The following TRERF1 variants were observed in gnomAD, a reference collection of about 807,000 sequenced individuals.
TRERF1 encodes the protein transcriptional-regulating factor 1.
Under a neutral mutation model 122.9 loss-of-function variants are expected in TRERF1, and 27 were observed. That is an observed-to-expected ratio of 0.22 (90% CI 0.16 to 0.30). The LOEUF (loss-of-function observed/expected upper bound fraction) is 0.30, where lower values mean the gene tolerates loss of function less well. Among genes scored for constraint, TRERF1 ranks in the 10% least tolerant of loss-of-function variants. The pLI, the probability that TRERF1 is intolerant of heterozygous loss-of-function variation, is 1.00. For missense variants in TRERF1, 1,248 were observed against 1,560.3 expected (o/e 0.80, Z 3.37); for synonymous variants, 636 against 641.7 (o/e 0.99, Z 0.13).
At chr6:42,383,555 C>T (rs148062654) in intron 2 of TRERF1, among the ~76,000 whole-genome samples, 6 of 152,246 alleles carry the variant, frequency 3.9e-5, no homozygotes, top group African/African-American at 7.2e-5. Flanking sequence ...CCCGCTCCGA[C>T]GAGCATTGTA....
chr6:42,328,323 A>T (rs549703103), intron 3 of TRERF1, among the ~76,000 whole-genome samples: 2 of 151,960 alleles, frequency 1.3e-5, no homozygotes, highest in African/African-American at 2.4e-5. Flanking sequence ...ATCCCTAATT[A>T]AAAAACAAAC....
At chr6:42,256,465 G>C (rs1213771710) in intron 12 of TRERF1, among the ~76,000 whole-genome samples, 4 of 152,138 alleles carry the variant, frequency 2.6e-5, no homozygotes, top group Non-Finnish European at 5.9e-5. Flanking sequence ...ATGTGGAAAA[G>C]AAATTCTAAT....
In TRERF1 at chr6:42,263,500, C is replaced by CGGCGGA. The variant is rs377404285; in HGVS notation, c.1698_1703dup (p.Pro569_Pro570dup). Reference sequence around the variant, plus strand: ...CTGCCTCGGGAGGGAGCTGTGGTGGCGGCGGAGGCGGAGGCGGAGGCGGCA... The same window carrying CGGCGGA: ...CTGCCTCGGGAGGGAGCTGTGGTGGCGGCGGAGGCGGAGGCGGAGGCGGAGGCGGCA... On this transcript the variant is annotated inframe_insertion, in exon 8 of 18. Coordinates refer to ENST00000372922, the Ensembl canonical transcript of TRERF1. This position sits in a 1 kb window ranked among gnomAD's most constrained non-coding sequence, Gnocchi z 5.6. 1.9e-4 allele frequency: 299 copies of CGGCGGA among 1,573,732 alleles called. No individual in the cohort carries two copies. Among genetic ancestry groups the CGGCGGA allele is most frequent in the African/African-American group, 1.1e-3 (80 of 74,016 alleles).
At chr6:42,437,195 G>A (rs1027877711) in intron 2 of TRERF1, among the ~76,000 whole-genome samples, 2 of 152,114 alleles carry the variant, frequency 1.3e-5, no homozygotes, top group African/African-American at 4.8e-5. Context: ...CTCCAGCTCT[G>A]GTTGGAGGTC....
chr6:42,431,070 AAAAAG>A (rs1288505865), intron 2 of TRERF1, among the ~76,000 whole-genome samples: 15 of 151,984 alleles, frequency 9.9e-5, no homozygotes, highest in African/African-American at 2.7e-4. Flanking sequence ...AAAAAAAAAA[AAAAAG>A]AAAAGAAAAG....
intron 2 of TRERF1, among the ~76,000 whole-genome samples, chr6:42,446,160 C>T (rs146344500): frequency 2.4e-3 from 364 of 152,344 alleles, no homozygotes; most frequent in Admixed American, 4.2e-3. Flanking sequence ...GCTATCCACC[C>T]GCTTCGGCCT....
intron 2 of TRERF1, among the ~76,000 whole-genome samples, chr6:42,386,298 A>G (rs1776802749): frequency 6.6e-6 from 1 of 152,138 alleles, no homozygotes; most frequent in Non-Finnish European, 1.5e-5. Context: ...AAAGACTAGT[A>G]AAGTGCCTGG....
chr6:42,387,764 T>A (rs1204492125), intron 2 of TRERF1, among the ~76,000 whole-genome samples: 1 of 151,176 alleles, frequency 6.6e-6, no homozygotes, highest in Non-Finnish European at 1.5e-5. Context: ...CCCACAAGAA[T>A]TTTTACATCA....
At chr6:42,452,010 C>G (rs1448184209) in intron 1 of TRERF1, 84 bp from the exon 1 acceptor site, 3 of 152,938 alleles carry the variant, frequency 2.0e-5, no homozygotes, top group Admixed American at 1.3e-4. Context: ...GCCGCGGTAA[C>G]CTGGCCTTAC....
intron 4 of TRERF1, among the ~76,000 whole-genome samples, chr6:42,270,179 G>A (rs1027181181): frequency 3.3e-5 from 5 of 152,188 alleles, no homozygotes; most frequent in Middle Eastern, 3.4e-3. Flanking sequence ...GCATAAAACC[G>A]CACCTCTCTC....
chr6:42,236,122 G>A (rs751316345), intron 16 of TRERF1, 83 bp downstream of exon 16: 266 of 1,486,458 alleles, frequency 1.8e-4, no homozygotes, highest in Non-Finnish European at 2.2e-4. Context: ...GAGCACTCTC[G>A]AAAATACATC....
chr6:42,262,593 G>C lies in TRERF1; in HGVS notation c.1884+727C>G, dbSNP rs113188937. ...AGAGAGAGAGAGAGAGAGAGAGAGA[G>C]AGAGAGACAGACAGACGGAAACCCT... is the stretch of plus-strand genomic sequence containing the variant. On this transcript the variant is annotated intron_variant, in intron 8 of 17. Transcript: ENST00000372922. 1.3e-3 allele frequency among the ~76,000 whole-genome samples: 168 copies of C among 134,058 alleles called. 14 individuals are homozygous for C. Among genetic ancestry groups the C allele is most frequent in the African/African-American group, 4.3e-3 (125 of 29,158 alleles). The allele number at this position is 134,058 out of a possible 152,430, so 87.9% of individuals were successfully genotyped here.
chr6:42,353,188 A>C (rs1168689990), intron 3 of TRERF1, among the ~76,000 whole-genome samples: 2 of 152,144 alleles, frequency 1.3e-5, no homozygotes, highest in African/African-American at 2.4e-5. Flanking sequence ...ACAAACAAAA[A>C]ACAACCAAAA....
intron 2 of TRERF1, among the ~76,000 whole-genome samples, chr6:42,420,983 T>C (rs1237298004): frequency 1.3e-5 from 2 of 152,236 alleles, no homozygotes; most frequent in African/African-American, 4.8e-5. Context: ...CCACGGTTCT[T>C]CCTACAGTAG....
chr6:42,443,349 G>C (rs1348882787), intron 2 of TRERF1, among the ~76,000 whole-genome samples: 1 of 152,204 alleles, frequency 6.6e-6, no homozygotes, highest in Non-Finnish European at 1.5e-5. Flanking sequence ...TTCTTAGGCA[G>C]AGGCCAGGAG....
intron 2 of TRERF1, among the ~76,000 whole-genome samples, chr6:42,383,099 T>C (rs547816528): frequency 2.4e-4 from 37 of 152,266 alleles, no homozygotes; most frequent in Admixed American, 8.5e-4. Context: ...TGCACAGCTG[T>C]AGTCCCAGCT....
In TRERF1 at chr6:42,249,414, G is replaced by A. The variant is rs528820033; in HGVS notation, c.2657-2870C>T. 1.4e-4 allele frequency among the ~76,000 whole-genome samples: 21 copies of A among 152,224 alleles called. No individual in the cohort carries two copies. In the South Asian group the frequency reaches 4.4e-3, roughly 32 times the overall value. Reference sequence around the variant, plus strand: ...GCAGTGTTCAGTTCCCAGGCCTGTCGATTTCTGAGAAGCATGTCCCTTCAT... The same window carrying A: ...GCAGTGTTCAGTTCCCAGGCCTGTCAATTTCTGAGAAGCATGTCCCTTCAT... On this transcript the variant is annotated intron_variant, in intron 13 of 17. Transcript: ENST00000372922.
At chr6:42,400,024 G>T (rs1779165876) in intron 2 of TRERF1, among the ~76,000 whole-genome samples, 1 of 152,170 alleles carries the variant, frequency 6.6e-6, no homozygotes, top group South Asian at 2.1e-4. Flanking sequence ...GTGAGACTGT[G>T]GAAAGAACAT....
chr6:42,260,266 T>TCG (rs1240231387), intron 8 of TRERF1, among the ~76,000 whole-genome samples: 1 of 151,778 alleles, frequency 6.6e-6, no homozygotes, highest in Non-Finnish European at 1.5e-5. Flanking sequence ...GGGAGAGCCT[T>TCG]CGATGACCTC....
Sources: gnomAD v4.1 joint callset for allele counts (sites outside exome capture counted in the v4.1 genomes callset) on GRCh38, gnomAD v4.1.1 for gene constraint, Gnocchi (gnomAD v3.1) non-coding constraint, MANE v1.5 for transcripts, NCBI Gene and HGNC (gene_info 2026-07-23, HGNC 2026-07-21) for gene names.